Variants in CTTNBP2NL observed in about 807,000 individuals in gnomAD.
CTTNBP2NL encodes the protein CTTNBP2 N-terminal-like protein.
CTTNBP2NL carries 16 observed loss-of-function variants against 32.5 expected under a neutral mutation model. That is an observed-to-expected ratio of 0.49 (90% CI 0.33 to 0.75). The LOEUF (loss-of-function observed/expected upper bound fraction) is 0.75, where lower values mean the gene tolerates loss of function less well. Among genes scored for constraint, CTTNBP2NL ranks in the 30% least tolerant of loss-of-function variants. The pLI is 0.02. For missense variants in CTTNBP2NL, 645 were observed against 756.0 expected, an observed-to-expected ratio of 0.85 and a Z score of 1.72; for synonymous variants, 298 against 289.4, an observed-to-expected ratio of 1.03 and a Z score of -0.30.
intron 3 of CTTNBP2NL, among the ~76,000 whole-genome samples, chr1:112,434,580 C>G (rs995205410): frequency 2.0e-5 from 3 of 152,190 alleles, no homozygotes; most frequent in African/African-American, 7.2e-5. Flanking sequence ...ACCTAACCAT[C>G]ATTAGTATCA....
chr1:112,456,326 G>C lies in CTTNBP2NL; in HGVS notation c.834G>C (p.Glu278Asp), dbSNP rs749356414. The change falls in exon 6 of 6, where the codon GAG becomes GAC. Residue 278 changes from glutamate to aspartate, a missense_variant. Coordinates refer to ENST00000271277, the MANE Select transcript of CTTNBP2NL (RefSeq NM_018704.3). ...TAAAGAAGATAGTGAAGGACCTAGA[G>C]GCTTCCCACCAGCACAGTAGCCCTA... ...ESLKKIVKDL[E>D]ASHQHSSPNE... is the part of the protein sequence containing the mutation. 3 of 1,613,964 alleles carry C rather than the reference G, an allele frequency of 1.9e-6. No individual in the cohort carries two copies. Among genetic ancestry groups the C allele is most frequent in the Admixed American group, 1.7e-5 (1 of 60,016 alleles).
At chr1:112,416,083 C>T in intron 2 of CTTNBP2NL, 74 bp from the exon 3 acceptor site, 1 of 792,944 alleles carries the variant, frequency 1.3e-6, no homozygotes, top group Non-Finnish European at 2.2e-6. Context: ...TCTTATCTCT[C>T]ACTTTATTTT....
intron 1 of CTTNBP2NL, among the ~76,000 whole-genome samples, chr1:112,404,028 C>T (rs1179114519): frequency 2.6e-5 from 4 of 152,200 alleles, no homozygotes; most frequent in Non-Finnish European, 5.9e-5. Flanking sequence ...CTCATTTAAA[C>T]CATGCAGCCT....
chr1:112,425,343 C>T (rs1398306534), intron 3 of CTTNBP2NL, among the ~76,000 whole-genome samples: 1 of 151,850 alleles, frequency 6.6e-6, no homozygotes, highest in Non-Finnish European at 1.5e-5. Flanking sequence ...AGGTGGCACA[C>T]GCCTGTAGTC....
chr1:112,416,028 A>G, intron 2 of CTTNBP2NL, 129 bp from the exon 3 acceptor site: 1 of 613,490 alleles, frequency 1.6e-6, no homozygotes, highest in Non-Finnish European at 2.9e-6. Context: ...ATTTCTATTT[A>G]ATTTCAACTA....
upstream of CTTNBP2NL, among the ~76,000 whole-genome samples, chr1:112,392,854 T>C (rs370427791): frequency 6.6e-6 from 1 of 151,924 alleles, no homozygotes. Flanking sequence ...CCTGATTTTT[T>C]TTTGTTTGTT....
At chr1:112,413,990 G>A (rs527708073) in intron 2 of CTTNBP2NL, among the ~76,000 whole-genome samples, 2 of 152,094 alleles carry the variant, frequency 1.3e-5, no homozygotes, top group Non-Finnish European at 2.9e-5. Flanking sequence ...GGAGGTTGCA[G>A]TGAGCCAAGA....
intron 4 of CTTNBP2NL, among the ~76,000 whole-genome samples, chr1:112,451,521 C>T (rs1284130135): frequency 2.6e-5 from 4 of 151,378 alleles, no homozygotes; most frequent in African/African-American, 9.7e-5. Flanking sequence ...CCTGTAATCC[C>T]AGCACTTTGG....
At chr1:112,403,116 T>C (rs1253457038) in intron 1 of CTTNBP2NL, among the ~76,000 whole-genome samples, 1 of 152,198 alleles carries the variant, frequency 6.6e-6, no homozygotes, top group Non-Finnish European at 1.5e-5. Flanking sequence ...TTAATGTCTC[T>C]TTTGTCAGTC....
chr1:112,398,832 A>AAT (rs1648407947), intron 1 of CTTNBP2NL, among the ~76,000 whole-genome samples: 1 of 151,684 alleles, frequency 6.6e-6, no homozygotes, highest in African/African-American at 2.4e-5. Context: ...AAAAAAAAAA[A>AAT]AAAAGTTAAA....
intron 1 of CTTNBP2NL, among the ~76,000 whole-genome samples, chr1:112,397,536 A>G (rs1489076609): frequency 6.6e-6 from 1 of 152,240 alleles, no homozygotes; most frequent in Non-Finnish European, 1.5e-5. Flanking sequence ...CAGAGATAAG[A>G]GTAAATAAAG....
In CTTNBP2NL at chr1:112,432,297, A is replaced by G. The variant is rs542711353; in HGVS notation, c.99+16033A>G. Among the ~76,000 whole-genome samples the G allele has an allele frequency of 1.1e-4, 16 of 152,018 alleles. No individual in the cohort carries two copies. The South Asian group carries it at 2.9e-3, about 28-fold the overall frequency. On this transcript the variant is annotated intron_variant, in intron 3 of 5. Transcript: ENST00000271277. ...ACCGTGGTCTCGATCTCCTGACTTC[A>G]TGATCCGCCTGCCTTGGCCTCCCAA...
chr1:112,454,031 G>A (rs1485226070), intron 4 of CTTNBP2NL, among the ~76,000 whole-genome samples: 1 of 152,098 alleles, frequency 6.6e-6, no homozygotes, highest in Non-Finnish European at 1.5e-5. Context: ...TGGTGCCTCT[G>A]GTGATTTGAG....
At chr1:112,396,380 C>T (rs1451951448) in intron 1 of CTTNBP2NL, 108 bp downstream of exon 1, 2 of 152,474 alleles carry the variant, frequency 1.3e-5, no homozygotes, top group East Asian at 3.9e-4. Context: ...TCAACGGCCT[C>T]TGGGCCCATC....
At chr1:112,414,215 AT>A (rs956349524) in intron 2 of CTTNBP2NL, among the ~76,000 whole-genome samples, 40 of 152,186 alleles carry the variant, frequency 2.6e-4, no homozygotes, top group African/African-American at 9.4e-4. Flanking sequence ...AAATACAAAA[AT>A]TAGCCAGGCG....
At chr1:112,436,622 G>A (rs748005434) in intron 3 of CTTNBP2NL, among the ~76,000 whole-genome samples, 270 of 151,270 alleles carry the variant, frequency 1.8e-3, no homozygotes, top group Admixed American at 3.3e-3. Flanking sequence ...GGAATTATAG[G>A]CACGAGCCAC....
intron 1 of CTTNBP2NL, among the ~76,000 whole-genome samples, chr1:112,397,367 G>A: frequency 6.6e-6 from 1 of 152,092 alleles, no homozygotes; most frequent in East Asian, 1.9e-4. Context: ...CAGTCATCTA[G>A]GTTTATGATT....
intron 3 of CTTNBP2NL, among the ~76,000 whole-genome samples, chr1:112,445,187 T>A (rs1428096095): frequency 6.6e-6 from 1 of 152,114 alleles, no homozygotes; most frequent in Non-Finnish European, 1.5e-5. Context: ...AACAGTTTGA[T>A]TGCAACCTCA....
intron 3 of CTTNBP2NL, among the ~76,000 whole-genome samples, chr1:112,444,616 CAGTT>C (rs1434497975): frequency 3.9e-5 from 6 of 152,080 alleles, no homozygotes; most frequent in Non-Finnish European, 2.9e-5. Context: ...AATTTCTGTT[CAGTT>C]AATGTGTGTG....
Sources: gnomAD v4.1 joint callset for allele counts (sites outside exome capture counted in the v4.1 genomes callset) on GRCh38, gnomAD v4.1.1 for gene constraint, MANE v1.5 for transcripts, NCBI Gene and HGNC (gene_info 2026-07-23, HGNC 2026-07-21) for gene names.